Variants in CACNA1B observed in about 807,000 individuals in gnomAD.
CACNA1B encodes calcium voltage-gated channel subunit alpha1 B.
A neutral mutation model predicts 247.2 loss-of-function variants in CACNA1B; 70 were observed. The observed-to-expected ratio is 0.28, with a 90% CI of 0.23 to 0.35. CACNA1B has a LOEUF of 0.35. CACNA1B is among the 10% of genes least tolerant of loss of function. The pLI, the probability that CACNA1B is intolerant of heterozygous loss-of-function variation, is 1.00. For synonymous variants in CACNA1B, 1,231 were observed against 1,294.4 expected, an observed-to-expected ratio of 0.95 and a Z score of 1.05; for missense variants, 2,367 against 3,197.4, an observed-to-expected ratio of 0.74 and a Z score of 6.26.
At chr9:137,940,527 C>T (rs1357159244) in intron 6 of CACNA1B, among the ~76,000 whole-genome samples, 2 of 152,158 alleles carry the variant, frequency 1.3e-5, no homozygotes, top group Non-Finnish European at 2.9e-5. Context: ...GACACTATTC[C>T]ATGAGATAGA....
chr9:137,943,614 G>T (rs535754967), intron 6 of CACNA1B, among the ~76,000 whole-genome samples: 2 of 152,210 alleles, frequency 1.3e-5, no homozygotes, highest in South Asian at 2.1e-4. Context: ...CGGGAATAAA[G>T]ATAAAGACAA....
In CACNA1B at chr9:137,975,895, G is replaced by A; in HGVS notation, c.1544-12G>A. On this transcript the variant is annotated splice_polypyrimidine_tract_variant and intron_variant, in intron 11 of 46. Coordinates refer to ENST00000371372, the MANE Select transcript of CACNA1B (RefSeq NM_000718.4). Reference sequence around the variant, plus strand: ...CCTCGAGCTAATCCCCCTCTTCTCCGGCTTCTCCTAGATTTTGCAGAGTTT... The same window carrying A: ...CCTCGAGCTAATCCCCCTCTTCTCCAGCTTCTCCTAGATTTTGCAGAGTTT... 1 of 1,550,700 alleles carries A rather than the reference G, an allele frequency of 6.4e-7. No homozygotes were observed. Among genetic ancestry groups the A allele is most frequent in the Non-Finnish European group, 8.9e-7 (1 of 1,123,688 alleles).
At chr9:138,008,552 AC>A (rs201195347) in intron 16 of CACNA1B, among the ~76,000 whole-genome samples, 7 of 151,732 alleles carry the variant, frequency 4.6e-5, no homozygotes, top group African/African-American at 1.7e-4. Flanking sequence ...CGCTCCCTTG[AC>A]CCCCAGGGAG....
rs762442642 is a variant in CACNA1B at position 137,986,873 on chromosome 9, A to C, written c.1974+19A>C. ...CTTCCAGGTAAGGCACCTGCTCTGC[A>C]CATTTGCGGCCTGCCCGGCTCCCGT... On this transcript the variant is annotated intron_variant, in intron 15 of 46. Transcript: ENST00000371372. This position sits in a 1 kb window ranked among gnomAD's most constrained non-coding sequence, Gnocchi z 6.0. 6.3e-7 allele frequency: 1 copy of C among 1,599,456 alleles called. No homozygotes were observed. The highest frequency in any genetic ancestry group is 1.7e-5 in the Admixed American group (1 of 60,010).
At chr9:138,063,554 A>G (rs1279248745) in intron 31 of CACNA1B, among the ~76,000 whole-genome samples, 1 of 152,264 alleles carries the variant, frequency 6.6e-6, no homozygotes, top group Admixed American at 6.5e-5. Flanking sequence ...GTTGTGACAT[A>G]GGGTCAGACT....
chr9:137,976,262 T>C (rs1487354425), intron 12 of CACNA1B, among the ~76,000 whole-genome samples: 1 of 152,264 alleles, frequency 6.6e-6, no homozygotes, highest in Non-Finnish European at 1.5e-5. Context: ...TTCCCTCTTC[T>C]GATCCTGTCC....
intron 6 of CACNA1B, among the ~76,000 whole-genome samples, chr9:137,940,942 C>T (rs1260718020): frequency 6.6e-6 from 1 of 152,240 alleles, no homozygotes; most frequent in Admixed American, 6.5e-5. Flanking sequence ...CTATGACAAA[C>T]CCACAGTCAA....
chr9:138,104,441 T>C (rs1961356192), intron 38 of CACNA1B, among the ~76,000 whole-genome samples: 1 of 152,240 alleles, frequency 6.6e-6, no homozygotes. Flanking sequence ...CCATTCATGC[T>C]GGTCTGCAGG....
chr9:137,976,370 G>T (rs531639363), intron 12 of CACNA1B, among the ~76,000 whole-genome samples: 2 of 152,266 alleles, frequency 1.3e-5, no homozygotes, highest in Admixed American at 6.5e-5. Flanking sequence ...TGGAGCTCAG[G>T]GGGGCTCTGG....
At chr9:138,081,060 G>A (rs149797870) in intron 36 of CACNA1B, among the ~76,000 whole-genome samples, 11 of 152,308 alleles carry the variant, frequency 7.2e-5, no homozygotes, top group Non-Finnish European at 1.2e-4. Context: ...CTTTCCTGAG[G>A]CATTGGTCTC....
chr9:138,115,474 C>T, intron 41 of CACNA1B, 78 bp from the exon 42 acceptor site: 2 of 1,474,570 alleles, frequency 1.4e-6, no homozygotes, highest in Admixed American at 2.1e-5. Context: ...TGCCCCATGC[C>T]ACATGGTCAG....
intron 20 of CACNA1B, among the ~76,000 whole-genome samples, chr9:138,030,274 G>A (rs1217182868): frequency 6.6e-6 from 1 of 150,840 alleles, no homozygotes; most frequent in Admixed American, 6.6e-5. Context: ...GAAAGTTCCC[G>A]TTCATTGCTT....
At chr9:138,019,775 C>T (rs1206763893) in intron 18 of CACNA1B, among the ~76,000 whole-genome samples, 2 of 152,150 alleles carry the variant, frequency 1.3e-5, no homozygotes, top group African/African-American at 4.8e-5. Flanking sequence ...CTGGATCCTG[C>T]ATCCATCCGC....
chr9:137,976,233 T>C (rs1958219517), intron 12 of CACNA1B, among the ~76,000 whole-genome samples: 1 of 152,254 alleles, frequency 6.6e-6, no homozygotes, highest in Non-Finnish European at 1.5e-5. Flanking sequence ...AGCAGCTCTC[T>C]GTCGGCGGGA....
chr9:137,996,886 C>T (rs1311456427), intron 15 of CACNA1B, among the ~76,000 whole-genome samples: 5 of 152,152 alleles, frequency 3.3e-5, no homozygotes, highest in South Asian at 4.2e-4. Flanking sequence ...CAGATCACTT[C>T]TGCAAATACA....
At chr9:138,107,489 C>T (rs1403227994) in intron 39 of CACNA1B, among the ~76,000 whole-genome samples, 1 of 152,010 alleles carries the variant, frequency 6.6e-6, no homozygotes, top group African/African-American at 2.4e-5. Context: ...TTCCTTATCC[C>T]ATTTCTGATT....
chr9:138,002,742 C>G (rs1958593396), intron 15 of CACNA1B, among the ~76,000 whole-genome samples: 1 of 151,762 alleles, frequency 6.6e-6, no homozygotes, highest in Non-Finnish European at 1.5e-5. Context: ...ATGAAAATAT[C>G]TTTATGATCT....
At chr9:138,039,335 G>A (rs555267784) in intron 20 of CACNA1B, among the ~76,000 whole-genome samples, 18 of 151,154 alleles carry the variant, frequency 1.2e-4, no homozygotes, top group Non-Finnish European at 2.5e-4. Context: ...CTGTCTTTTT[G>A]TCTTTTTACC....
At chr9:138,068,703 T>C (rs1424028018) in intron 31 of CACNA1B, 4 of 503,466 alleles carry the variant, frequency 7.9e-6, no homozygotes, top group Middle Eastern at 3.3e-4. Flanking sequence ...TTTCTGCGTG[T>C]GTGTGCCTCC....
Sources: allele counts gnomAD v4.1 joint callset (sites outside exome capture counted in the v4.1 genomes callset), GRCh38; gene constraint gnomAD v4.1.1; non-coding constraint Gnocchi (gnomAD v3.1); transcripts MANE v1.5; gene names NCBI Gene and HGNC (gene_info 2026-07-23, HGNC 2026-07-21).